The following PCDH15 variants were observed in gnomAD, a reference collection of about 807,000 sequenced individuals.
PCDH15 encodes protocadherin-15.
In PCDH15, 129 loss-of-function variants were observed where a neutral mutation model predicts 178.5. The ratio of observed to expected loss-of-function variants is 0.72; its 90% confidence interval spans 0.63 to 0.84. PCDH15 has a LOEUF of 0.84. PCDH15 is among the 40% of genes least tolerant of loss of function. The probability of loss-of-function intolerance (pLI) is 0.00; values close to 1 mark genes in which losing one functional copy is unlikely to be tolerated. For missense variants in PCDH15, 2,230 were observed against 2,099.9 expected (o/e 1.06, Z -1.21); for synonymous variants, 800 against 732.0 (o/e 1.09, Z -1.50).
intron 2 of PCDH15, among the ~76,000 whole-genome samples, chr10:55,425,673 A>ACAC (rs200830285): frequency 0.01 from 1,529 of 151,082 alleles, 18 homozygotes; most frequent in African/African-American, 0.035. Context: ...CACACACACA[A>ACAC]AAAAAAACAG....
At chr10:53,947,245 C>G (rs1043965570) in intron 23 of PCDH15, among the ~76,000 whole-genome samples, 3 of 151,896 alleles carry the variant, frequency 2.0e-5, no homozygotes, top group Non-Finnish European at 1.5e-5. Context: ...ATAGATGAAA[C>G]AATTACAATT....
At chr10:54,268,521 C>T (rs1284705737) in intron 8 of PCDH15, among the ~76,000 whole-genome samples, 1 of 151,870 alleles carries the variant, frequency 6.6e-6, no homozygotes, top group East Asian at 1.9e-4. Flanking sequence ...TGGTTTCCAA[C>T]AATGGTGGAT....
intron 2 of PCDH15, among the ~76,000 whole-genome samples, chr10:55,436,656 G>C (rs1040088563): frequency 1.3e-5 from 2 of 151,980 alleles, no homozygotes; most frequent in Non-Finnish European, 2.9e-5. Flanking sequence ...TGAGTTATAA[G>C]TTTATACAAG....
At chr10:54,566,625 G>A (rs1035725776) in intron 2 of PCDH15, among the ~76,000 whole-genome samples, 11 of 151,980 alleles carry the variant, frequency 7.2e-5, no homozygotes, top group African/African-American at 2.7e-4. Context: ...TTTCCATTTG[G>A]TATTTTGAAT....
rs540507383 is a variant in PCDH15, at chr10:54,345,801, C to CAAAA, written c.594+560_594+563dup. The stretch of plus-strand genomic sequence containing the variant: ...TGGGCAACAGAGCGAGACTCCGTCT[C>CAAAA]AAAAAAAAAAAAAAAAAAAAAAAAA... On this transcript the variant is annotated intron_variant, in intron 6 of 37. Coordinates refer to ENST00000644397, the MANE Select transcript of PCDH15 (RefSeq NM_001384140.1). 1.9e-3 allele frequency among the ~76,000 whole-genome samples: 100 copies of CAAAA among 52,476 alleles called. 3 individuals carry two copies. The highest frequency in any genetic ancestry group is 8.0e-3 in the East Asian group (7 of 876). The allele number at this position is 52,476 out of a possible 152,430, so 34.4% of individuals were successfully genotyped here. A position where few individuals can be genotyped will look rare whatever the true frequency, so the allele number is the denominator to read the frequency against.
intron 1 of PCDH15, among the ~76,000 whole-genome samples, chr10:55,245,012 C>T (rs1452376677): frequency 6.6e-6 from 1 of 151,262 alleles, no homozygotes; most frequent in Non-Finnish European, 1.5e-5. Context: ...TTTTTTGAAC[C>T]ATTGCTATCT....
intron 2 of PCDH15, among the ~76,000 whole-genome samples, chr10:55,458,941 A>G: frequency 6.6e-6 from 1 of 152,036 alleles, no homozygotes; most frequent in East Asian, 1.9e-4. Context: ...TGCAATAGAG[A>G]ACTACAGGCA....
intron 1 of PCDH15, among the ~76,000 whole-genome samples, chr10:54,784,059 C>T (rs1408463941): frequency 3.9e-5 from 6 of 151,944 alleles, no homozygotes; most frequent in Admixed American, 3.3e-4. Flanking sequence ...CTTATTACAC[C>T]ATGAGGTCCT....
intron 2 of PCDH15, among the ~76,000 whole-genome samples, chr10:55,555,904 C>G (rs1381086283): frequency 1.3e-5 from 2 of 152,104 alleles, no homozygotes; most frequent in Non-Finnish European, 2.9e-5. Context: ...CACAATTTGC[C>G]TGACATCATC....
intron 20 of PCDH15, among the ~76,000 whole-genome samples, chr10:54,014,086 C>T (rs1199887113): frequency 6.6e-6 from 1 of 151,532 alleles, no homozygotes; most frequent in African/African-American, 2.4e-5. Context: ...TGAAAAAAGA[C>T]ATTACCACTG....
At chr10:55,098,929 A>ACTC (rs2132043643) in intron 2 of PCDH15, among the ~76,000 whole-genome samples, 1 of 144,716 alleles carries the variant, frequency 6.9e-6, no homozygotes, top group South Asian at 2.3e-4. Context: ...AGAGAGAGAG[A>ACTC]GAGAGCTCTT....
chr10:55,146,365 T>G (rs1177349851), intron 2 of PCDH15, among the ~76,000 whole-genome samples: 1 of 151,924 alleles, frequency 6.6e-6, no homozygotes, highest in Admixed American at 6.6e-5. Flanking sequence ...ATGATTCATA[T>G]GTGATACTCT....
chr10:55,582,442 T>A (rs972695954), intron 2 of PCDH15, among the ~76,000 whole-genome samples: 1 of 151,738 alleles, frequency 6.6e-6, no homozygotes, highest in Non-Finnish European at 1.5e-5. Flanking sequence ...AGATACAATT[T>A]TTAGACCAGA....
chr10:55,365,765 C>T (rs190645112), intron 2 of PCDH15, among the ~76,000 whole-genome samples: 141 of 152,200 alleles, frequency 9.3e-4, no homozygotes, highest in Non-Finnish European at 1.8e-3. Flanking sequence ...CTTCCCCAGC[C>T]ATGTGGAACT....
chr10:54,271,579 C>CT (rs1455205112), intron 8 of PCDH15, among the ~76,000 whole-genome samples: 4 of 152,134 alleles, frequency 2.6e-5, no homozygotes, highest in Non-Finnish European at 4.4e-5. Flanking sequence ...ACATTGTATA[C>CT]TTTTCCATAG....
At position 55,296,844 on chromosome 10, in the gene PCDH15, C is replaced by G. The variant is rs946508078; in HGVS notation, c.-156+22755G>C. ...AAAATACATAATTATTTCATCAACACCCCCCAAAATCATCTCATATTGTCC... is the reference window on the plus strand; with the variant it reads ...AAAATACATAATTATTTCATCAACAGCCCCCAAAATCATCTCATATTGTCC... On this transcript the variant is annotated intron_variant, in intron 1 of 5. Transcript: ENST00000458638. Among the ~76,000 whole-genome samples, 12 of 151,996 alleles carry G rather than the reference C, an allele frequency of 7.9e-5. 1 individual carries two copies. Among genetic ancestry groups the G allele is most frequent in the African/African-American group, 2.7e-4 (11 of 41,362 alleles).
chr10:55,598,443 T>C (rs963936364), intron 2 of PCDH15, among the ~76,000 whole-genome samples: 9 of 146,858 alleles, frequency 6.1e-5, no homozygotes, highest in South Asian at 2.2e-4. Context: ...GGTTCTATAA[T>C]TGATAAACCC....
chr10:54,605,136 T>C (rs1045139920), intron 2 of PCDH15, among the ~76,000 whole-genome samples: 4 of 151,930 alleles, frequency 2.6e-5, no homozygotes, highest in African/African-American at 9.7e-5. Context: ...ATTTAATACT[T>C]TTTTAAATTT....
intron 2 of PCDH15, among the ~76,000 whole-genome samples, chr10:54,621,805 A>G (rs1372756795): frequency 6.6e-6 from 1 of 152,040 alleles, no homozygotes; most frequent in East Asian, 1.9e-4. Context: ...TGTGGGCAGG[A>G]AGAAAGAGAA....
Sources: gnomAD v4.1 joint callset for allele counts (sites outside exome capture counted in the v4.1 genomes callset) on GRCh38, gnomAD v4.1.1 for gene constraint, MANE v1.5 for transcripts, NCBI Gene and HGNC (gene_info 2026-07-23, HGNC 2026-07-21) for gene names.